MAP4: variants seen among roughly 807,000 people sequenced by gnomAD.
MAP4 encodes microtubule-associated protein 4.
A neutral mutation model predicts 170.2 loss-of-function variants in MAP4; 76 were observed. That is an observed-to-expected ratio of 0.45 (90% CI 0.37 to 0.54). MAP4 has a LOEUF of 0.54. Ranked by LOEUF, MAP4 falls within the 20% of genes least tolerant of loss-of-function variation. The pLI, the probability that MAP4 is intolerant of heterozygous loss-of-function variation, is 0.00. For missense variants in MAP4, 2,506 were observed against 2,748.0 expected (o/e 0.91, Z 1.97); for synonymous variants, 909 against 994.5 (o/e 0.91, Z 1.62).
rs185506874 is a variant in MAP4, at chr3:47,933,658, T to C, written c.293-5308A>G. 4.7e-5 allele frequency among the ~76,000 whole-genome samples: 7 copies of C among 149,946 alleles called. No homozygotes were observed. The East Asian group carries it at 1.2e-3, about 25-fold the overall frequency. ...CTCTGTCACCCAGGCTGGAGTGCAG[T>C]GGCGCGATCTGGGCTCACTGCAAGA... On this transcript the variant is annotated intron_variant, in intron 3 of 20. Coordinates refer to ENST00000683076, the MANE Select transcript of MAP4 (RefSeq NM_001385682.1).
intron 3 of MAP4, among the ~76,000 whole-genome samples, chr3:47,933,844 T>C (rs371641379): frequency 6.6e-6 from 1 of 152,138 alleles, no homozygotes; most frequent in African/African-American, 2.4e-5. Context: ...CCAAGTGATC[T>C]GCCTGCCTCA....
At chr3:48,056,840 TG>T (rs1241693290) in intron 1 of MAP4, among the ~76,000 whole-genome samples, 653 of 41,942 alleles carry the variant, frequency 0.016, 10 homozygotes, top group Non-Finnish European at 0.02. Flanking sequence ...GGGAGGGAGG[TG>T]GGGGGGGGGT....
chr3:47,950,090 C>T (rs1319864151), intron 3 of MAP4, among the ~76,000 whole-genome samples: 4 of 152,210 alleles, frequency 2.6e-5, no homozygotes, highest in Non-Finnish European at 5.9e-5. Context: ...AGGTCTGAAT[C>T]TCCGCCTTGG....
chr3:48,088,547 A>AC (rs1287100246), intron 1 of MAP4, among the ~76,000 whole-genome samples: 2 of 133,320 alleles, frequency 1.5e-5, no homozygotes, highest in African/African-American at 5.7e-5. Flanking sequence ...CACTCCAAAG[A>AC]CCCCCCTAGA....
intron 7 of MAP4, 92 bp downstream of exon 7, chr3:47,915,859 T>C: frequency 1.4e-6 from 2 of 1,391,712 alleles, no homozygotes; most frequent in South Asian, 2.7e-5. Context: ...AGTGTGACTG[T>C]CTGTACTTTA....
chr3:48,077,670 T>C (rs1310056041), intron 1 of MAP4, among the ~76,000 whole-genome samples: 2 of 151,892 alleles, frequency 1.3e-5, no homozygotes, highest in African/African-American at 4.8e-5. Flanking sequence ...TTAAACATAA[T>C]TAACACATAA....
Position 47,914,892 on chromosome 3 carries a change from C to A in MAP4, c.1924G>T (p.Asp642Tyr). The change falls in exon 8 of 21, where the codon GAT becomes TAT. Residue 642 changes from aspartate (D) to tyrosine (Y), a missense_variant. Transcript: ENST00000683076. The stretch of plus-strand genomic sequence containing the variant: ...TCCCCTAGTTTTTCTAACACAGAAT[C>A]CTCCTCGGCCGGCAAGCTGCACTTT... The part of the protein sequence containing the change: ...GKKCSLPAEE[D>Y]SVLEKLGERK... 6.2e-7 allele frequency: 1 copy of A among 1,614,176 alleles called. No individual in the cohort carries two copies.
At chr3:48,043,878 G>A (rs945092989) in intron 1 of MAP4, among the ~76,000 whole-genome samples, 1 of 151,814 alleles carries the variant, frequency 6.6e-6, no homozygotes, top group South Asian at 2.1e-4. Flanking sequence ...ACGGAGTCTC[G>A]CTCTGTGTCC....
rs1406134681 is a variant in MAP4, at chr3:47,910,951, A to G, written c.3470T>C (p.Leu1157Ser). The G allele has an allele frequency of 6.5e-7, 1 of 1,536,130 alleles. No individual in the cohort carries two copies. Among genetic ancestry groups the G allele is most frequent in the Admixed American group, 2.0e-5 (1 of 50,998 alleles). ...QPKVAGTMQA[L>S]IPLESGSGMT... ...GCCTGATCCACTTTCCAAAGGAATCAATGCCTGCATGGTGCCTGCCACCTT... is the reference window on the plus strand; with the variant it reads ...GCCTGATCCACTTTCCAAAGGAATCGATGCCTGCATGGTGCCTGCCACCTT... The change falls in exon 9 of 21, where the codon TTG becomes TCG. Residue 1157 changes from leucine to serine, a missense_variant. Leu to Ser is a moderately radical substitution (Grantham distance 145). Transcript: ENST00000683076.
intron 3 of MAP4, among the ~76,000 whole-genome samples, chr3:47,965,108 A>G (rs2100074077): frequency 6.6e-6 from 1 of 152,100 alleles, no homozygotes; most frequent in African/African-American, 2.4e-5. Context: ...GTATATTTAT[A>G]TTTGTTTCTG....
At chr3:48,013,829 A>G (rs75646057) in intron 1 of MAP4, among the ~76,000 whole-genome samples, 3,219 of 152,198 alleles carry the variant, frequency 0.021, 120 homozygotes, top group Admixed American at 0.1. Flanking sequence ...GTTCTGGCTA[A>G]CATCAAAGGA....
intron 9 of MAP4, among the ~76,000 whole-genome samples, chr3:47,906,683 C>CAA (rs879554419): frequency 2.3e-5 from 2 of 85,630 alleles, no homozygotes; most frequent in African/African-American, 9.0e-5. Context: ...AACTCTGTCT[C>CAA]AAAAAAAAAA....
intron 1 of MAP4, among the ~76,000 whole-genome samples, chr3:48,051,458 C>T (rs1218999917): frequency 2.6e-5 from 4 of 152,216 alleles, no homozygotes; most frequent in Non-Finnish European, 4.4e-5. Context: ...AACCAAACCA[C>T]AGCCAGTCTT....
chr3:47,871,894 T>C (rs377238920), intron 13 of MAP4, 23 bp downstream of exon 13: 2 of 1,589,474 alleles, frequency 1.3e-6, no homozygotes, highest in African/African-American at 1.3e-5. Flanking sequence ...CTAGTTCCCA[T>C]GGGAGAGAAA....
At chr3:47,889,026 G>T (rs983530053) in intron 10 of MAP4, among the ~76,000 whole-genome samples, 2 of 152,174 alleles carry the variant, frequency 1.3e-5, no homozygotes. Flanking sequence ...TGACATATAT[G>T]GTGGTAACAA....
At chr3:47,957,379 C>T (rs2100068468) in intron 3 of MAP4, among the ~76,000 whole-genome samples, 1 of 152,032 alleles carries the variant, frequency 6.6e-6, no homozygotes, top group Admixed American at 6.6e-5. Flanking sequence ...CCATGTTAGC[C>T]AGGCTGGTCT....
intron 10 of MAP4, among the ~76,000 whole-genome samples, chr3:47,895,038 G>C: frequency 6.6e-6 from 1 of 151,768 alleles, no homozygotes; most frequent in Non-Finnish European, 1.5e-5. Context: ...AAAAAAAAGG[G>C]GGTGAGGAAG....
chr3:47,890,619 T>C (rs1352776004), intron 10 of MAP4, among the ~76,000 whole-genome samples: 1 of 152,086 alleles, frequency 6.6e-6, no homozygotes, highest in Non-Finnish European at 1.5e-5. Flanking sequence ...AATCAATCAG[T>C]TGGGATTGAA....
intron 1 of MAP4, among the ~76,000 whole-genome samples, chr3:48,078,523 G>A (rs1055919453): frequency 2.0e-5 from 3 of 151,864 alleles, no homozygotes; most frequent in East Asian, 1.9e-4. Flanking sequence ...TTTTAAATGT[G>A]GAATGACATA....
Sources: allele counts gnomAD v4.1 joint callset (sites outside exome capture counted in the v4.1 genomes callset), GRCh38; gene constraint gnomAD v4.1.1; transcripts MANE v1.5; gene names NCBI Gene and HGNC (gene_info 2026-07-23, HGNC 2026-07-21).